The following ITPKB variants were observed in gnomAD, a reference collection of about 807,000 sequenced individuals.
ITPKB encodes the protein IP3 3-kinase B.
In ITPKB, 13 loss-of-function variants were observed where a neutral mutation model predicts 69.4. That is an observed-to-expected ratio of 0.19 (90% confidence interval 0.12 to 0.30). The LOEUF is 0.30. Ranked by LOEUF, ITPKB falls within the 10% of genes least tolerant of loss-of-function variation. The probability of loss-of-function intolerance (pLI) is 1.00; values close to 1 mark genes in which losing one functional copy is unlikely to be tolerated. For synonymous variants in ITPKB, 584 were observed against 513.7 expected, an observed-to-expected ratio of 1.14 and a Z score of -1.85; for missense variants, 1,240 against 1,250.5, an observed-to-expected ratio of 0.99 and a Z score of 0.13.
At chr1:226,663,323 G>A (rs1669436206) in intron 2 of ITPKB, among the ~76,000 whole-genome samples, 1 of 152,068 alleles carries the variant, frequency 6.6e-6, no homozygotes, top group African/African-American at 2.4e-5. Flanking sequence ...AGCAAACAGA[G>A]GCAAAGGTGC....
At position 226,637,547 on chromosome 1, in the gene ITPKB, TG is replaced by T; in HGVS notation, c.2625+131del. On this transcript the variant is annotated intron_variant, in intron 7 of 7. Transcript: ENST00000429204. The surrounding 1 kb of genome is among the most constrained non-coding windows in gnomAD (Gnocchi z 4.3). ...GCAGCTCCCCCGTGCAGCGAGGGTC[TG>T]GTCCCTGATGGCCTGCCTCTGGCTG... 1.4e-6 allele frequency: 1 copy of T among 705,978 alleles called. No homozygotes were observed. The highest frequency in any genetic ancestry group is 2.5e-6 in the Non-Finnish European group (1 of 395,714). 43.7% of individuals were successfully genotyped at this position (705,978 alleles called of 1,614,324 possible). A position where few individuals can be genotyped will look rare whatever the true frequency, so the allele number is the denominator to read the frequency against.
At chr1:226,647,098 G>T in intron 4 of ITPKB, 69 bp downstream of exon 4, 1 of 1,450,382 alleles carries the variant, frequency 6.9e-7, no homozygotes, top group Non-Finnish European at 9.6e-7. Context: ...AGCCCTGAGT[G>T]CCACGCTGTG....
intron 2 of ITPKB, among the ~76,000 whole-genome samples, chr1:226,680,362 T>C (rs1487377105): frequency 1.3e-5 from 2 of 152,116 alleles, no homozygotes; most frequent in Non-Finnish European, 2.9e-5. Context: ...TAAGTCCCTT[T>C]TGGCAGAGAG....
chr1:226,639,172 C>T (rs1385595398), intron 6 of ITPKB, among the ~76,000 whole-genome samples: 3 of 151,430 alleles, frequency 2.0e-5, no homozygotes, highest in Non-Finnish European at 4.4e-5. Context: ...ACTCTCCTGT[C>T]TCAGCATCCC....
At chr1:226,724,343 T>TC (rs1485545652) in intron 2 of ITPKB, among the ~76,000 whole-genome samples, 1 of 152,102 alleles carries the variant, frequency 6.6e-6, no homozygotes, top group East Asian at 1.9e-4. Flanking sequence ...CCATGACTTC[T>TC]CCTCTTCCAA....
chr1:226,679,610 C>T (rs1052008869), intron 2 of ITPKB, among the ~76,000 whole-genome samples: 4 of 152,062 alleles, frequency 2.6e-5, no homozygotes, highest in African/African-American at 4.8e-5. Context: ...AGAAGAAAGA[C>T]GATAAAAGAA....
At position 226,633,527 on chromosome 1, in the gene ITPKB, G is replaced by A. The variant is rs1668765909; in HGVS notation, c.*1144C>T. On this transcript the variant is annotated 3_prime_UTR_variant, in exon 8 of 8. Coordinates refer to ENST00000429204, the MANE Select transcript of ITPKB (RefSeq NM_002221.4). ...GAGACTTCAGGAAGAGGTGCCTGGAGCACGCCCTGGCATCCACCACATACC... is the reference window on the plus strand; with the variant it reads ...GAGACTTCAGGAAGAGGTGCCTGGAACACGCCCTGGCATCCACCACATACC... 1 of 152,196 alleles carries A rather than the reference G, an allele frequency of 6.6e-6. No homozygotes were observed. Among genetic ancestry groups the A allele is most frequent in the Non-Finnish European group, 1.5e-5 (1 of 68,042 alleles). 9.4% of individuals were successfully genotyped at this position (152,196 alleles called of 1,614,324 possible).
intron 2 of ITPKB, among the ~76,000 whole-genome samples, chr1:226,727,166 GCATTATATAA>G (rs1257849302): frequency 6.6e-6 from 1 of 152,136 alleles, no homozygotes; most frequent in Non-Finnish European, 1.5e-5. Context: ...ACGCGTAAGA[GCATTATATAA>G]CATATAAAAA....
At chr1:226,658,841 C>A (rs146860665) in intron 2 of ITPKB, among the ~76,000 whole-genome samples, 1 of 152,098 alleles carries the variant, frequency 6.6e-6, no homozygotes, top group African/African-American at 2.4e-5. Flanking sequence ...GGCAGGAGAA[C>A]GAGGATGATG....
At chr1:226,673,456 G>T (rs1669661210) in intron 2 of ITPKB, among the ~76,000 whole-genome samples, 1 of 152,170 alleles carries the variant, frequency 6.6e-6, no homozygotes, top group Non-Finnish European at 1.5e-5. Context: ...ATGATTTACG[G>T]AAGGCTAACA....
chr1:226,644,029 G>A (rs1669015224), intron 4 of ITPKB, among the ~76,000 whole-genome samples: 2 of 152,242 alleles, frequency 1.3e-5, no homozygotes, highest in African/African-American at 4.8e-5. Flanking sequence ...ACTCCTGAGG[G>A]CGCTGTAGGG....
At chr1:226,661,852 GT>G (rs1669408931) in intron 2 of ITPKB, among the ~76,000 whole-genome samples, 1 of 152,202 alleles carries the variant, frequency 6.6e-6, no homozygotes, top group Admixed American at 6.5e-5. Context: ...GATGTTAGCA[GT>G]AGGGTCTGAC....
intron 2 of ITPKB, among the ~76,000 whole-genome samples, chr1:226,723,411 C>G (rs902937018): frequency 6.6e-6 from 1 of 152,128 alleles, no homozygotes; most frequent in African/African-American, 2.4e-5. Context: ...TCTCCTTAAT[C>G]TCAGAGAGAG....
At position 226,718,607 on chromosome 1, in the gene ITPKB, A is replaced by C. The variant is rs138831387; in HGVS notation, c.1932+16920T>G. Among the ~76,000 whole-genome samples the C allele has an allele frequency of 1.4e-4, 22 of 152,320 alleles. No individual in the cohort carries two copies. The South Asian group carries it at 1.7e-3, about 11-fold the overall frequency. Reference sequence around the variant, plus strand: ...CTACAGAACAAGACCCTGTCTCAAAAAAAACAAAACAAAACAAGACACAGA... The same window carrying C: ...CTACAGAACAAGACCCTGTCTCAAACAAAACAAAACAAAACAAGACACAGA... On this transcript the variant is annotated intron_variant, in intron 2 of 7. Coordinates refer to ENST00000429204, the MANE Select transcript of ITPKB (RefSeq NM_002221.4).
At chr1:226,653,528 G>A (rs183334802) in intron 2 of ITPKB, among the ~76,000 whole-genome samples, 1 of 152,196 alleles carries the variant, frequency 6.6e-6, no homozygotes, top group African/African-American at 2.4e-5. Context: ...GGGCTGCTCA[G>A]GTGCCACTTC....
At chr1:226,654,899 G>C (rs907805954) in intron 2 of ITPKB, among the ~76,000 whole-genome samples, 5 of 152,140 alleles carry the variant, frequency 3.3e-5, no homozygotes, top group African/African-American at 1.2e-4. Context: ...CAGGGGAAGA[G>C]GAGGAAGGAG....
intron 2 of ITPKB, among the ~76,000 whole-genome samples, chr1:226,714,204 T>C (rs919656238): frequency 6.6e-6 from 1 of 152,186 alleles, no homozygotes; most frequent in African/African-American, 2.4e-5. Flanking sequence ...ACCTGGCCAA[T>C]TAAATGTGAG....
chr1:226,640,183 T>C (rs1246462799), intron 5 of ITPKB, among the ~76,000 whole-genome samples: 1 of 152,152 alleles, frequency 6.6e-6, no homozygotes, highest in Non-Finnish European at 1.5e-5. Context: ...AAAGCCAGGA[T>C]CCAATACAGC....
intron 2 of ITPKB, among the ~76,000 whole-genome samples, chr1:226,725,191 T>G (rs1209767689): frequency 6.6e-6 from 1 of 152,250 alleles, no homozygotes; most frequent in African/African-American, 2.4e-5. Flanking sequence ...ATATGTCTAT[T>G]GGCATTAACT....
Sources: allele counts gnomAD v4.1 joint callset (sites outside exome capture counted in the v4.1 genomes callset), GRCh38; gene constraint gnomAD v4.1.1; non-coding constraint Gnocchi (gnomAD v3.1); transcripts MANE v1.5; gene names NCBI Gene and HGNC (gene_info 2026-07-23, HGNC 2026-07-21).